Variants in SHC3 observed in about 807,000 individuals in gnomAD.
SHC3 encodes the protein SHC-transforming protein 3.
A neutral mutation model predicts 60.4 loss-of-function variants in SHC3; 15 were observed. That is an observed-to-expected ratio of 0.25 (90% CI 0.17 to 0.38). The LOEUF (loss-of-function observed/expected upper bound fraction) is 0.38. Ranked by LOEUF, SHC3 falls within the 10% of genes least tolerant of loss-of-function variation. The pLI is 1.00. For synonymous variants in SHC3, 294 were observed against 325.9 expected (o/e 0.90, Z 1.05); for missense variants, 677 against 786.1 (o/e 0.86, Z 1.66).
At chr9:89,019,493 T>C (rs1459726237) in intron 11 of SHC3, among the ~76,000 whole-genome samples, 2 of 152,188 alleles carry the variant, frequency 1.3e-5, no homozygotes, top group African/African-American at 2.4e-5. Flanking sequence ...GATGGCATGA[T>C]TGTCTAGAAG....
In SHC3 at chr9:89,011,379, C is replaced by T. The variant is rs1490817278; in HGVS notation, c.*2068G>A. On this transcript the variant is annotated 3_prime_UTR_variant, in exon 12 of 12. Coordinates refer to ENST00000375835, the MANE Select transcript of SHC3 (RefSeq NM_016848.6). ...CTCCTAACTTGCATTTCCTACTTTG[C>T]TATTGTCCCTGAATGTTATAATAGC... 1 of 152,212 alleles carries T rather than the reference C, an allele frequency of 6.6e-6. No individual in the cohort carries two copies. The highest frequency in any genetic ancestry group is 1.5e-5 in the Non-Finnish European group (1 of 68,034). The allele number at this position is 152,212 out of a possible 1,614,324, so 9.4% of individuals were successfully genotyped here.
intron 1 of SHC3, among the ~76,000 whole-genome samples, chr9:89,166,430 T>C (rs1826790299): frequency 1.3e-5 from 2 of 151,938 alleles, no homozygotes; most frequent in South Asian, 2.1e-4. Flanking sequence ...AATGGGTGGA[T>C]GGGGATGGCA....
At chr9:89,162,323 C>T (rs1226599674) in intron 1 of SHC3, among the ~76,000 whole-genome samples, 1 of 151,972 alleles carries the variant, frequency 6.6e-6, no homozygotes, top group Non-Finnish European at 1.5e-5. Context: ...GGAGGCATCA[C>T]ACTACCTGAC....
At chr9:89,177,547 G>C (rs1587773159) in intron 1 of SHC3, among the ~76,000 whole-genome samples, 1 of 152,304 alleles carries the variant, frequency 6.6e-6, no homozygotes, top group African/African-American at 2.4e-5. Context: ...CCACCCTCCC[G>C]CCGGGGAAGA....
intron 5 of SHC3, among the ~76,000 whole-genome samples, chr9:89,069,139 C>A (rs574973757): frequency 6.6e-6 from 1 of 152,264 alleles, no homozygotes; most frequent in Non-Finnish European, 1.5e-5. Context: ...GAAACCCTGT[C>A]TCTACTAAAA....
At chr9:89,094,529 T>C (rs536029868) in intron 2 of SHC3, among the ~76,000 whole-genome samples, 3 of 152,356 alleles carry the variant, frequency 2.0e-5, no homozygotes, top group Admixed American at 1.3e-4. Context: ...ACAGCCACAA[T>C]TGACATTTAT....
intron 1 of SHC3, among the ~76,000 whole-genome samples, chr9:89,151,830 T>C (rs1210404881): frequency 6.6e-6 from 1 of 152,202 alleles, no homozygotes; most frequent in Admixed American, 6.5e-5. Flanking sequence ...CATGGAGGAT[T>C]ATGATTATAG....
intron 6 of SHC3, among the ~76,000 whole-genome samples, chr9:89,059,321 TGTGGAGGATGGTG>T (rs879548438): frequency 0.17 from 4,482 of 26,388 alleles, 109 homozygotes; most frequent in Middle Eastern, 0.26. Flanking sequence ...TGGAGGACGT[TGTGGAGGATGGTG>T]GTGGAGGACG....
chr9:89,021,683 G>A (rs1826202978), intron 11 of SHC3, among the ~76,000 whole-genome samples: 1 of 152,226 alleles, frequency 6.6e-6, no homozygotes, highest in African/African-American at 2.4e-5. Flanking sequence ...GGTGGAAACT[G>A]AGGGTTTCCA....
chr9:89,037,674 T>C, intron 11 of SHC3: 2 of 623,904 alleles, frequency 3.2e-6, no homozygotes, highest in Non-Finnish European at 5.7e-6. Flanking sequence ...TGTACTTCCT[T>C]GTCTACTAGA....
At chr9:89,016,056 A>C (rs1188587644) in intron 11 of SHC3, among the ~76,000 whole-genome samples, 1 of 152,196 alleles carries the variant, frequency 6.6e-6, no homozygotes, top group Admixed American at 6.5e-5. Context: ...CAGTAGAAAA[A>C]ATAAATGAAA....
At chr9:89,071,169 G>A (rs377158484) in intron 5 of SHC3, 30 bp downstream of exon 5, 3 of 1,610,364 alleles carry the variant, frequency 1.9e-6, no homozygotes, top group Non-Finnish European at 1.7e-6. Flanking sequence ...TTCCCAACAA[G>A]AGCAAGAGAC....
At chr9:89,093,059 T>C (rs935255612) in intron 2 of SHC3, among the ~76,000 whole-genome samples, 6 of 152,218 alleles carry the variant, frequency 3.9e-5, no homozygotes, top group South Asian at 2.1e-4. Flanking sequence ...TCTATGAACA[T>C]GGACATACTG....
At chr9:89,105,890 A>T (rs1352499036) in intron 2 of SHC3, among the ~76,000 whole-genome samples, 1 of 152,238 alleles carries the variant, frequency 6.6e-6, no homozygotes, top group Non-Finnish European at 1.5e-5. Context: ...ATGAATTGGT[A>T]GATATTAATA....
intron 11 of SHC3, among the ~76,000 whole-genome samples, chr9:89,028,098 G>A (rs927394915): frequency 6.6e-6 from 1 of 152,176 alleles, no homozygotes; most frequent in South Asian, 2.1e-4. Flanking sequence ...AGGCACCCAG[G>A]CTAAAAGTCC....
intron 2 of SHC3, among the ~76,000 whole-genome samples, chr9:89,091,520 C>A (rs1245237858): frequency 6.6e-6 from 1 of 152,130 alleles, no homozygotes; most frequent in Non-Finnish European, 1.5e-5. Context: ...TTAGTTTGAT[C>A]TACAGTGAAG....
At chr9:89,059,993 ATGGTGGAGGATGG>A (rs140586617) in intron 6 of SHC3, among the ~76,000 whole-genome samples, 1,632 of 125,084 alleles carry the variant, frequency 0.013, 13 homozygotes, top group Non-Finnish European at 0.021. Context: ...AGTGGTGGAC[ATGGTGGAGGATGG>A]TGGTGGAGGA....
intron 1 of SHC3, among the ~76,000 whole-genome samples, chr9:89,119,050 A>G (rs1243993108): frequency 6.6e-6 from 1 of 152,086 alleles, no homozygotes; most frequent in Non-Finnish European, 1.5e-5. Context: ...TGGCCAGGAG[A>G]GGTGGGAGAA....
chr9:89,027,882 A>G (rs1483215555), intron 11 of SHC3, among the ~76,000 whole-genome samples: 1 of 152,148 alleles, frequency 6.6e-6, no homozygotes, highest in African/African-American at 2.4e-5. Flanking sequence ...CAACAGTGGG[A>G]AGGAGGGCAG....
Sources: allele counts gnomAD v4.1 joint callset (sites outside exome capture counted in the v4.1 genomes callset), GRCh38; gene constraint gnomAD v4.1.1; transcripts MANE v1.5; gene names NCBI Gene and HGNC (gene_info 2026-07-23, HGNC 2026-07-21).